Variants in YAP1 observed in about 807,000 individuals in gnomAD.
YAP1 encodes the protein Yes1 associated transcriptional regulator.
A neutral mutation model predicts 56.9 loss-of-function variants in YAP1; 5 were observed. That is an observed-to-expected ratio of 0.09 (90% CI 0.05 to 0.18). YAP1 has a LOEUF of 0.18. Ranked by LOEUF, YAP1 falls within the 10% of genes least tolerant of loss-of-function variation. The pLI, the probability that YAP1 is intolerant of heterozygous loss-of-function variation, is 1.00. For missense variants in YAP1, 539 were observed against 651.8 expected, an observed-to-expected ratio of 0.83 and a Z score of 1.88; for synonymous variants, 265 against 248.1, an observed-to-expected ratio of 1.07 and a Z score of -0.64.
At chr11:102,166,774 G>T (rs1347075291) in intron 3 of YAP1, among the ~76,000 whole-genome samples, 1 of 152,064 alleles carries the variant, frequency 6.6e-6, no homozygotes, top group East Asian at 1.9e-4. Flanking sequence ...GGACTTCCTC[G>T]CTTTGCTTTT....
chr11:102,182,691 G>A (rs536239773), intron 3 of YAP1, among the ~76,000 whole-genome samples: 1 of 152,264 alleles, frequency 6.6e-6, no homozygotes, highest in East Asian at 1.9e-4. Flanking sequence ...CTATGACAAA[G>A]ATAGTGTGGT....
chr11:102,200,925 G>T (rs982480159), intron 4 of YAP1, among the ~76,000 whole-genome samples: 2 of 152,110 alleles, frequency 1.3e-5, no homozygotes, highest in East Asian at 3.9e-4. Flanking sequence ...CCCAAAATTG[G>T]CAAGTCCTTG....
chr11:102,178,954 C>G (rs2135474017), intron 3 of YAP1, among the ~76,000 whole-genome samples: 1 of 152,212 alleles, frequency 6.6e-6, no homozygotes, highest in South Asian at 2.1e-4. Context: ...GGAGAAGTCC[C>G]AGGCTTTTAA....
At chr11:102,180,983 C>G (rs887179614) in intron 3 of YAP1, among the ~76,000 whole-genome samples, 1 of 151,742 alleles carries the variant, frequency 6.6e-6, no homozygotes, top group Admixed American at 6.6e-5. Flanking sequence ...CCCATCTCTA[C>G]AGAAAAATTT....
intron 3 of YAP1, among the ~76,000 whole-genome samples, chr11:102,166,239 C>T (rs1419045371): frequency 6.6e-6 from 1 of 152,188 alleles, no homozygotes; most frequent in Non-Finnish European, 1.5e-5. Context: ...ACCTGCTGAT[C>T]AAGTGCTGAG....
intron 6 of YAP1, among the ~76,000 whole-genome samples, chr11:102,213,141 G>A (rs1320939412): frequency 6.6e-6 from 1 of 152,200 alleles, no homozygotes; most frequent in Non-Finnish European, 1.5e-5. Context: ...TTTGAGGAAA[G>A]ATAGTCCCCC....
chr11:102,207,311 A>G (rs951736788), intron 5 of YAP1, among the ~76,000 whole-genome samples: 5 of 151,830 alleles, frequency 3.3e-5, no homozygotes, highest in Admixed American at 2.6e-4. Context: ...TTTTCCAGAG[A>G]TACTCTGTTT....
Position 102,111,115 on chromosome 11 carries a change from G to C in YAP1, c.267G>C (p.Arg89=), listed in dbSNP as rs1300284398. The part of the protein sequence containing the change: ...NVPQTVPMRL[R]KLPDSFFKPP... ...CCCAGACCGTGCCCATGAGGCTCCG[G>C]AAGCTGCCCGACTCCTTCTTCAAGC... is the stretch of plus-strand genomic sequence containing the variant. The change falls in exon 1 of 9, where the codon CGG becomes CGC. Residue 89 remains arginine (R), a synonymous_variant. Transcript: ENST00000282441. The C allele has an allele frequency of 6.2e-7, 1 of 1,613,234 alleles. No individual in the cohort carries two copies. The highest frequency in any genetic ancestry group is 8.5e-7 in the Non-Finnish European group (1 of 1,179,892).
chr11:102,126,959 C>T (rs989557211), intron 2 of YAP1, among the ~76,000 whole-genome samples: 3 of 152,128 alleles, frequency 2.0e-5, no homozygotes, highest in African/African-American at 7.2e-5. Flanking sequence ...TTTGCCCTTG[C>T]CCTAGAGATT....
intron 2 of YAP1, among the ~76,000 whole-genome samples, chr11:102,117,316 C>T (rs1049798755): frequency 6.6e-6 from 1 of 152,130 alleles, no homozygotes; most frequent in Non-Finnish European, 1.5e-5. Context: ...AATTAGTTGC[C>T]TTACACTTGT....
chr11:102,114,444 G>T, intron 2 of YAP1, 50 bp downstream of exon 2: 3 of 1,580,204 alleles, frequency 1.9e-6, no homozygotes, highest in Non-Finnish European at 8.6e-7. Context: ...AATATGTATT[G>T]GAAAACACAG....
chr11:102,206,664 G>A (rs577615227), intron 5 of YAP1, among the ~76,000 whole-genome samples: 3 of 152,112 alleles, frequency 2.0e-5, no homozygotes, highest in East Asian at 1.9e-4. Context: ...CCAACTTAGC[G>A]AAACCCCATC....
chr11:102,131,672 T>C (rs768700489), intron 2 of YAP1, among the ~76,000 whole-genome samples: 10 of 152,338 alleles, frequency 6.6e-5, no homozygotes, highest in Non-Finnish European at 1.0e-4. Context: ...CTTGAAAGTA[T>C]CCCACAATGG....
chr11:102,143,259 T>C (rs924333379), intron 2 of YAP1, among the ~76,000 whole-genome samples: 1 of 152,220 alleles, frequency 6.6e-6, no homozygotes, highest in Non-Finnish European at 1.5e-5. Context: ...CAGTAAATAC[T>C]TGTTGAATTA....
intron 3 of YAP1, among the ~76,000 whole-genome samples, chr11:102,164,297 T>G (rs1946468978): frequency 6.6e-6 from 1 of 152,178 alleles, no homozygotes; most frequent in African/African-American, 2.4e-5. Flanking sequence ...CCTCCCAAAG[T>G]GCTGGGATAA....
chr11:102,210,346 A>T (rs1211904186), intron 6 of YAP1, among the ~76,000 whole-genome samples: 1 of 152,142 alleles, frequency 6.6e-6, no homozygotes, highest in African/African-American at 2.4e-5. Context: ...TATGTAACTT[A>T]CTCTGCACTA....
intron 2 of YAP1, among the ~76,000 whole-genome samples, chr11:102,134,485 A>G (rs1469048618): frequency 6.8e-6 from 1 of 147,686 alleles, no homozygotes; most frequent in Non-Finnish European, 1.5e-5. Context: ...AATTATATAT[A>G]TTTATTTATA....
intron 2 of YAP1, among the ~76,000 whole-genome samples, chr11:102,153,690 T>G (rs865954272): frequency 6.6e-6 from 1 of 152,162 alleles, no homozygotes; most frequent in African/African-American, 2.4e-5. Flanking sequence ...CCTAATATAT[T>G]TGCTGTACTC....
chr11:102,150,252 G>A (rs546979550), intron 2 of YAP1, among the ~76,000 whole-genome samples: 1 of 152,152 alleles, frequency 6.6e-6, no homozygotes, highest in East Asian at 1.9e-4. Flanking sequence ...CCAAAGTGCT[G>A]GGATTACAGG....
Sources: gnomAD v4.1 joint callset for allele counts (sites outside exome capture counted in the v4.1 genomes callset) on GRCh38, gnomAD v4.1.1 for gene constraint, MANE v1.5 for transcripts, NCBI Gene and HGNC (gene_info 2026-07-23, HGNC 2026-07-21) for gene names.